Variants in NSUN3 observed in about 807,000 individuals in gnomAD.
NSUN3 encodes tRNA (cytosine(34)-C(5))-methyltransferase, mitochondrial.
NSUN3 carries 24 observed loss-of-function variants against 36.8 expected under a neutral mutation model. The observed-to-expected ratio is 0.65, with a 90% confidence interval of 0.47 to 0.92. NSUN3 has a LOEUF of 0.92. Among genes scored for constraint, NSUN3 ranks in the 40% least tolerant of loss-of-function variants. NSUN3 has a pLI of 0.00. For missense variants in NSUN3, 381 were observed against 392.8 expected (o/e 0.97, Z 0.25); for synonymous variants, 146 against 145.2 (o/e 1.01, Z -0.04).
chr3:94,108,281 T>C (rs878862213), intron 5 of NSUN3, among the ~76,000 whole-genome samples: 1 of 152,240 alleles, frequency 6.6e-6, no homozygotes, highest in Non-Finnish European at 1.5e-5. Context: ...TTCAATTAAA[T>C]ATATTTTCTT....
rs2077485944 is a variant in NSUN3, at chr3:94,126,361, C to T, written c.894C>T (p.Cys298=). 4.3e-6 allele frequency: 7 copies of T among 1,614,158 alleles called. No individual in the cohort carries two copies. The highest frequency in any genetic ancestry group is 2.7e-5 in the African/African-American group (2 of 75,044). Residue 298 remains cysteine, a synonymous_variant, in exon 6 of 6, where the codon TGC becomes TGT. Coordinates refer to ENST00000314622, the MANE Select transcript of NSUN3 (RefSeq NM_022072.5). The stretch of plus-strand genomic sequence containing the variant: ...ACATTAAAGGAATAGCAAGGACTTG[C>T]TCCCACGACTTCACATTTGCTCCCA... ...PMDIKGIART[C]SHDFTFAPTG...
At chr3:94,077,064 C>T (rs1465237837) in intron 2 of NSUN3, 20 of 791,770 alleles carry the variant, frequency 2.5e-5, no homozygotes, top group African/African-American at 1.9e-4. Flanking sequence ...CCAGAGCCTG[C>T]GTCATCACCA....
intron 5 of NSUN3, among the ~76,000 whole-genome samples, chr3:94,115,385 C>T (rs904058292): frequency 2.0e-5 from 3 of 152,002 alleles, no homozygotes; most frequent in Non-Finnish European, 4.4e-5. Flanking sequence ...TTGCTTCCAA[C>T]GGAAGGGTAC....
rs1281179496 is a variant in NSUN3, at chr3:94,127,285, T to C, written c.*795T>C. ...ATTAATAACTGCAATCACTGAACTA[T>C]ATTTGGAGAGTTTTGTTACATAATT... On this transcript the variant is annotated 3_prime_UTR_variant, in exon 6 of 6. Coordinates refer to ENST00000314622, the MANE Select transcript of NSUN3 (RefSeq NM_022072.5). 6.6e-6 allele frequency: 1 copy of C among 152,186 alleles called. No homozygotes were observed. Among genetic ancestry groups the C allele is most frequent in the African/African-American group, 2.4e-5 (1 of 41,434 alleles). 9.4% of individuals were successfully genotyped at this position (152,186 alleles called of 1,614,324 possible).
intron 2 of NSUN3, among the ~76,000 whole-genome samples, chr3:94,070,532 T>G (rs1219008143): frequency 1.3e-5 from 2 of 152,094 alleles, no homozygotes; most frequent in African/African-American, 2.4e-5. Context: ...ATAGAAAGAC[T>G]TTTCAAGGGG....
chr3:94,129,846 C>G lies in NSUN3; in HGVS notation c.*3356C>G, dbSNP rs571228101. On this transcript the variant is annotated 3_prime_UTR_variant, in exon 6 of 6. Coordinates refer to ENST00000314622, the MANE Select transcript of NSUN3 (RefSeq NM_022072.5). ...TCAGCTCACTGCAACCTCTGCCTCC[C>G]GGGTTCAAGCAGTTTTCTGCCTCAG... Among the ~76,000 whole-genome samples the G allele has an allele frequency of 3.3e-5, 5 of 150,274 alleles. No homozygotes were observed. The highest frequency in any genetic ancestry group is 2.6e-4 in the Admixed American group (4 of 15,096).
chr3:94,075,030 G>T (rs1248048927), intron 2 of NSUN3, among the ~76,000 whole-genome samples: 1 of 152,066 alleles, frequency 6.6e-6, no homozygotes, highest in East Asian at 1.9e-4. Context: ...GTTGAAATTT[G>T]TCAAGGTCTT....
At chr3:94,093,165 T>C (rs946942629) in intron 3 of NSUN3, among the ~76,000 whole-genome samples, 2 of 151,752 alleles carry the variant, frequency 1.3e-5, no homozygotes, top group South Asian at 2.1e-4. Context: ...GACTCTGCAT[T>C]TGAACTTTAC....
intron 5 of NSUN3, among the ~76,000 whole-genome samples, chr3:94,102,748 A>G (rs979459111): frequency 6.6e-6 from 1 of 152,192 alleles, no homozygotes; most frequent in African/African-American, 2.4e-5. Context: ...ATCCAAAGCT[A>G]TAATTTGTAA....
intron 5 of NSUN3, among the ~76,000 whole-genome samples, chr3:94,096,037 G>T (rs1251512613): frequency 6.6e-6 from 1 of 151,758 alleles, no homozygotes; most frequent in African/African-American, 2.4e-5. Context: ...GGGATTACAG[G>T]CGTGAGCCAC....
At chr3:94,095,286 CA>C in intron 5 of NSUN3, 132 bp downstream of exon 5, 2 of 843,924 alleles carry the variant, frequency 2.4e-6, no homozygotes, top group Non-Finnish European at 3.6e-6. Context: ...AGGCTACACT[CA>C]AAAAATTCCC....
chr3:94,087,696 G>A (rs1000786183), intron 3 of NSUN3, among the ~76,000 whole-genome samples: 2 of 152,152 alleles, frequency 1.3e-5, no homozygotes, highest in Non-Finnish European at 2.9e-5. Flanking sequence ...TTTGAGACAA[G>A]GTCTTGCTCT....
At chr3:94,097,912 A>G (rs928632673) in intron 5 of NSUN3, among the ~76,000 whole-genome samples, 7 of 152,064 alleles carry the variant, frequency 4.6e-5, no homozygotes, top group African/African-American at 1.7e-4. Context: ...AGCTTAGACT[A>G]TCTCTCAAAT....
chr3:94,126,626 T>C lies in NSUN3; in HGVS notation c.*136T>C, dbSNP rs1326721342. On this transcript the variant is annotated 3_prime_UTR_variant, in exon 6 of 6. Transcript: ENST00000314622. ...CTATTTAGTTAATACTTTAGCATCT[T>C]AGAATCTAGGCTTGAGAATTGTTCA... 2.7e-6 allele frequency: 2 copies of C among 737,636 alleles called. No homozygotes were observed. Among genetic ancestry groups the C allele is most frequent in the Admixed American group, 6.1e-5 (2 of 33,046 alleles). 45.7% of individuals were successfully genotyped at this position (737,636 alleles called of 1,614,324 possible). A position where few individuals can be genotyped will look rare whatever the true frequency, so the allele number is the denominator to read the frequency against.
intron 5 of NSUN3, among the ~76,000 whole-genome samples, chr3:94,120,600 T>C (rs2077457399): frequency 6.6e-6 from 1 of 152,256 alleles, no homozygotes; most frequent in South Asian, 2.1e-4. Flanking sequence ...GTCAGAGTTT[T>C]CTTCCTTCTT....
At chr3:94,079,975 C>T (rs756723699) in intron 2 of NSUN3, among the ~76,000 whole-genome samples, 5 of 152,000 alleles carry the variant, frequency 3.3e-5, no homozygotes, top group East Asian at 1.9e-4. Context: ...CCCTTGCCGG[C>T]GAGGAGTTGT....
chr3:94,076,640 T>A (rs1230506215), intron 2 of NSUN3: 1 of 1,027,556 alleles, frequency 9.7e-7, no homozygotes, highest in African/African-American at 1.6e-5. Context: ...CCCATAGCCT[T>A]TTTTCTGATG....
At chr3:94,079,812 T>C (rs1396859160) in intron 2 of NSUN3, among the ~76,000 whole-genome samples, 1 of 152,098 alleles carries the variant, frequency 6.6e-6, no homozygotes, top group African/African-American at 2.4e-5. Flanking sequence ...CTGGTTATTC[T>C]AGTTAGCAAT....
intron 2 of NSUN3, among the ~76,000 whole-genome samples, chr3:94,069,062 G>C (rs140934004): frequency 6.6e-6 from 1 of 152,136 alleles, no homozygotes; most frequent in Non-Finnish European, 1.5e-5. Context: ...AAAAGTCCAC[G>C]CCTTTTCCTA....
Sources: allele counts gnomAD v4.1 joint callset (sites outside exome capture counted in the v4.1 genomes callset), GRCh38; gene constraint gnomAD v4.1.1; transcripts MANE v1.5; gene names NCBI Gene and HGNC (gene_info 2026-07-23, HGNC 2026-07-21).